The following DPP4 variants were observed in gnomAD, a reference collection of about 807,000 sequenced individuals.
The protein encoded by DPP4 is dipeptidyl peptidase 4, also known as ADCP-2.
Under a neutral mutation model 122.4 loss-of-function variants are expected in DPP4, and 93 were observed. That is an observed-to-expected ratio of 0.76 (90% CI 0.64 to 0.90). The LOEUF (loss-of-function observed/expected upper bound fraction) is 0.90. DPP4 is among the 40% of genes least tolerant of loss of function. The probability of loss-of-function intolerance (pLI) is 0.00; values close to 1 mark genes in which losing one functional copy is unlikely to be tolerated. For synonymous variants in DPP4, 321 were observed against 302.9 expected (o/e 1.06, Z -0.62); for missense variants, 914 against 907.3 (o/e 1.01, Z -0.09).
chr2:162,014,458 C>A lies in DPP4; in HGVS notation c.1575G>T (p.Trp525Cys). ...DFIILNETKFWYQMILPPHFD... is the reference protein window; with the variant it reads ...DFIILNETKFCYQMILPPHFD... ...AATGAGGAGGCAAGATCATCTGATA[C>A]CAAAATTCTAAACAAACAGAAAGAT... The change falls in exon 19 of 26, where the codon TGG becomes TGT. Residue 525 changes from tryptophan (W) to cysteine (C), a missense_variant. Transcript: ENST00000360534. 6.2e-7 allele frequency: 1 copy of A among 1,604,962 alleles called. No homozygotes were observed. The highest frequency in any genetic ancestry group is 2.2e-5 in the East Asian group (1 of 44,606).
intron 5 of DPP4, among the ~76,000 whole-genome samples, chr2:162,039,414 A>G (rs1683909455): frequency 6.6e-6 from 1 of 152,102 alleles, no homozygotes. Context: ...CACCTCCTCC[A>G]GGACCACAGT....
At chr2:162,009,774 A>G (rs903237002) in intron 20 of DPP4, among the ~76,000 whole-genome samples, 1 of 152,098 alleles carries the variant, frequency 6.6e-6, no homozygotes, top group Non-Finnish European at 1.5e-5. Flanking sequence ...CTTAAACACC[A>G]TTCTCTAAAT....
intron 12 of DPP4, among the ~76,000 whole-genome samples, chr2:162,021,114 G>A (rs988213798): frequency 2.0e-5 from 3 of 152,110 alleles, no homozygotes; most frequent in African/African-American, 7.2e-5. Flanking sequence ...TTTCAGGTTG[G>A]GGGTGGTTTG....
At chr2:162,008,410 T>C in intron 22 of DPP4, 152 bp downstream of exon 22, 1 of 614,840 alleles carries the variant, frequency 1.6e-6, no homozygotes, top group Non-Finnish European at 2.9e-6. Flanking sequence ...ATAAATGAGA[T>C]CATCTTATTA....
chr2:162,009,385 T>C, intron 20 of DPP4, 90 bp from the exon 21 acceptor site: 1 of 1,161,788 alleles, frequency 8.6e-7, no homozygotes, highest in Non-Finnish European at 1.3e-6. Flanking sequence ...TGCCATTTGT[T>C]CTCTGCTTCA....
rs144863547 is a variant in DPP4 at position 161,998,229 on chromosome 2, A to G, written c.2053-2857T>C. On this transcript the variant is annotated intron_variant, in intron 23 of 25. Coordinates refer to ENST00000360534, the MANE Select transcript of DPP4 (RefSeq NM_001935.4). ...GTCAAAATAAATCTCCCTAAAAGAC[A>G]GTTTTGCGCAGCATTCAAAGCTGGA... Among the ~76,000 whole-genome samples, 62 of 152,330 alleles carry G rather than the reference A, an allele frequency of 4.1e-4. No individual in the cohort carries two copies. The East Asian group carries it at 0.011, about 27-fold the overall frequency.
At chr2:162,027,525 G>C (rs977945386) in intron 10 of DPP4, among the ~76,000 whole-genome samples, 3 of 152,028 alleles carry the variant, frequency 2.0e-5, no homozygotes, top group African/African-American at 4.8e-5. Context: ...CCTCTCTCTA[G>C]GTGGGAAAAG....
At chr2:162,052,656 G>C (rs1684423389) in intron 2 of DPP4, among the ~76,000 whole-genome samples, 1 of 152,190 alleles carries the variant, frequency 6.6e-6, no homozygotes, top group African/African-American at 2.4e-5. Flanking sequence ...CTTGGAACTG[G>C]GTAATGGGTG....
At position 162,016,958 on chromosome 2, in the gene DPP4, T is replaced by C. The variant is rs1002711457; in HGVS notation, c.1469-92A>G. The C allele has an allele frequency of 5.6e-6, 8 of 1,424,356 alleles. No homozygotes were observed. In the African/African-American group the frequency reaches 8.5e-5, roughly 15 times the overall value. The allele number at this position is 1,424,356 out of a possible 1,614,324, so 88.2% of individuals were successfully genotyped here. On this transcript the variant is annotated intron_variant, in intron 17 of 25. Coordinates refer to ENST00000360534, the MANE Select transcript of DPP4 (RefSeq NM_001935.4). Reference sequence around the variant, plus strand: ...AATGAGCAAACATGAAATTCACTGATCGGACTACACATACTTCAGGTTATA... The same window carrying C: ...AATGAGCAAACATGAAATTCACTGACCGGACTACACATACTTCAGGTTATA...
At chr2:162,052,741 C>T (rs1298886111) in intron 2 of DPP4, among the ~76,000 whole-genome samples, 5 of 152,072 alleles carry the variant, frequency 3.3e-5, no homozygotes, top group Admixed American at 6.5e-5. Context: ...ACAATTCTGG[C>T]GAGGGCTCAG....
rs147175767 is a variant in DPP4 at position 162,024,837 on chromosome 2, A to G, written c.990T>C (p.Tyr330=). 6.2e-7 allele frequency: 1 copy of G among 1,613,794 alleles called. No individual in the cohort carries two copies. The highest frequency in any genetic ancestry group is 1.3e-5 in the African/African-American group (1 of 74,930). The change falls in exon 11 of 26, where the codon TAT becomes TAC. Residue 330 remains tyrosine (Y), a synonymous_variant. Coordinates refer to ENST00000360534, the MANE Select transcript of DPP4 (RefSeq NM_001935.4). ...QNYSVMDICD[Y]DESSGRWNCL... ...AGTTCCATCTTCCACTGGATTCATC[A>G]TAGTCACAAATATCCATGACCGAAT... is the stretch of plus-strand genomic sequence containing the variant.
intron 23 of DPP4, among the ~76,000 whole-genome samples, chr2:162,003,749 A>G (rs1199512619): frequency 1.3e-5 from 2 of 152,240 alleles, no homozygotes; most frequent in East Asian, 1.9e-4. Flanking sequence ...AAATTCTTGT[A>G]TAACAATGTT....
At chr2:162,021,481 G>C (rs1683125232) in intron 12 of DPP4, 1 of 152,196 alleles carries the variant, frequency 6.6e-6, no homozygotes, top group African/African-American at 2.4e-5. Context: ...GTAGGAGATG[G>C]TCTTTTAAAA....
intron 5 of DPP4, among the ~76,000 whole-genome samples, chr2:162,042,221 T>C (rs540221297): frequency 6.6e-6 from 1 of 152,236 alleles, no homozygotes; most frequent in Non-Finnish European, 1.5e-5. Flanking sequence ...ATGAGGATAA[T>C]GCCGGCAACA....
At chr2:161,994,263 G>C (rs959519571) in intron 25 of DPP4, among the ~76,000 whole-genome samples, 1 of 152,078 alleles carries the variant, frequency 6.6e-6, no homozygotes, top group African/African-American at 2.4e-5. Flanking sequence ...CTGTGCATTG[G>C]GCACCATTTG....
chr2:162,038,264 A>G (rs561883042), intron 8 of DPP4, 38 bp downstream of exon 8: 2 of 1,497,806 alleles, frequency 1.3e-6, no homozygotes, highest in South Asian at 1.3e-5. Flanking sequence ...TTAAAAGCTT[A>G]TAGATTTTCT....
At chr2:162,030,414 T>C (rs1236057446) in intron 10 of DPP4, among the ~76,000 whole-genome samples, 1 of 152,170 alleles carries the variant, frequency 6.6e-6, no homozygotes, top group Non-Finnish European at 1.5e-5. Flanking sequence ...CTCCTGTGGA[T>C]TTCACTTGCT....
intron 23 of DPP4, among the ~76,000 whole-genome samples, chr2:161,998,145 G>T (rs187195255): frequency 6.6e-6 from 1 of 152,166 alleles, no homozygotes; most frequent in Non-Finnish European, 1.5e-5. Flanking sequence ...CGCAAGTGAC[G>T]TATAGCCTAA....
chr2:162,067,833 G>C (rs1194640059), intron 2 of DPP4, among the ~76,000 whole-genome samples: 1 of 152,154 alleles, frequency 6.6e-6, no homozygotes, highest in Non-Finnish European at 1.5e-5. Context: ...ATAAAGTAAT[G>C]ATTAAACATT....
Sources: gnomAD v4.1 joint callset for allele counts (sites outside exome capture counted in the v4.1 genomes callset) on GRCh38, gnomAD v4.1.1 for gene constraint, MANE v1.5 for transcripts, NCBI Gene and HGNC (gene_info 2026-07-23, HGNC 2026-07-21) for gene names.